AGBL1: variants seen among roughly 807,000 people sequenced by gnomAD.
AGBL1 encodes the protein cytosolic carboxypeptidase 4.
Under a neutral mutation model 118.9 loss-of-function variants are expected in AGBL1, and 130 were observed. The ratio of observed to expected loss-of-function variants is 1.09; its 90% confidence interval spans 0.95 to 1.26. The LOEUF (loss-of-function observed/expected upper bound fraction) is 1.26. AGBL1 is among the 50% of genes most tolerant of loss of function. AGBL1 has a pLI of 0.00. For missense variants in AGBL1, 1,584 were observed against 1,298.1 expected (o/e 1.22, Z -3.38); for synonymous variants, 555 against 478.9 (o/e 1.16, Z -2.08).
At chr15:86,951,755 C>T (rs752692905) in intron 23 of AGBL1, among the ~76,000 whole-genome samples, 2 of 152,050 alleles carry the variant, frequency 1.3e-5, no homozygotes, top group Non-Finnish European at 2.9e-5. Flanking sequence ...ATGATTTGGG[C>T]AATTTTTATT....
At chr15:86,224,128 C>A (rs555448374) in intron 5 of AGBL1, among the ~76,000 whole-genome samples, 1 of 152,146 alleles carries the variant, frequency 6.6e-6, no homozygotes, top group Non-Finnish European at 1.5e-5. Flanking sequence ...TAGGGCCACA[C>A]AGAATCTTCT....
intron 22 of AGBL1, among the ~76,000 whole-genome samples, chr15:86,804,004 T>C (rs1017581209): frequency 2.6e-5 from 4 of 151,954 alleles, no homozygotes; most frequent in Admixed American, 6.6e-5. Flanking sequence ...TTATAACAAG[T>C]CTGTTATCCA....
intron 22 of AGBL1, among the ~76,000 whole-genome samples, chr15:86,843,022 T>A (rs1287024515): frequency 6.6e-6 from 1 of 152,152 alleles, no homozygotes; most frequent in African/African-American, 2.4e-5. Flanking sequence ...AGGTCAGATA[T>A]CATACTTTGG....
chr15:86,215,395 T>G (rs1159544911), intron 5 of AGBL1, among the ~76,000 whole-genome samples: 1 of 152,162 alleles, frequency 6.6e-6, no homozygotes, highest in Non-Finnish European at 1.5e-5. Context: ...TTTGGCTAAC[T>G]CCTTTGGTTC....
intron 23 of AGBL1, among the ~76,000 whole-genome samples, chr15:86,979,495 T>C (rs2081207423): frequency 6.6e-6 from 1 of 151,186 alleles, no homozygotes; most frequent in African/African-American, 2.4e-5. Context: ...CTTTCTTTTT[T>C]TTGGCGGGGG....
chr15:86,300,131 C>CT (rs2079722709), intron 17 of AGBL1, among the ~76,000 whole-genome samples: 1 of 152,116 alleles, frequency 6.6e-6, no homozygotes, highest in Non-Finnish European at 1.5e-5. Context: ...CCAGATACCC[C>CT]TCTTTAGGCT....
chr15:86,801,805 A>G (rs2078653742), intron 22 of AGBL1, among the ~76,000 whole-genome samples: 1 of 152,130 alleles, frequency 6.6e-6, no homozygotes, highest in African/African-American at 2.4e-5. Context: ...AAAAGCAAGT[A>G]CTAGTAAATA....
chr15:86,920,346 T>C (rs1055165427), downstream of AGBL1, among the ~76,000 whole-genome samples: 3 of 152,210 alleles, frequency 2.0e-5, no homozygotes, highest in Non-Finnish European at 4.4e-5. Flanking sequence ...CCCTCCCTGA[T>C]GCTTTGAATC....
At chr15:86,931,616 G>T (rs966264706) in intron 23 of AGBL1, among the ~76,000 whole-genome samples, 2 of 148,690 alleles carry the variant, frequency 1.3e-5, no homozygotes, top group Non-Finnish European at 3.0e-5. Context: ...TGCTGCTGCT[G>T]GTTGTTGTAT....
chr15:87,025,166 A>G (rs992334074), intron 24 of AGBL1, among the ~76,000 whole-genome samples: 1 of 152,046 alleles, frequency 6.6e-6, no homozygotes, highest in Non-Finnish European at 1.5e-5. Flanking sequence ...AGGGCATCCA[A>G]ATTGGTAAAG....
intron 5 of AGBL1, among the ~76,000 whole-genome samples, chr15:86,222,784 A>G (rs1000784400): frequency 1.3e-5 from 2 of 152,182 alleles, no homozygotes; most frequent in African/African-American, 4.8e-5. Flanking sequence ...TTGGATTAAT[A>G]TTTATTTAGG....
chr15:86,538,651 C>A (rs1736152446), intron 19 of AGBL1, among the ~76,000 whole-genome samples: 1 of 152,192 alleles, frequency 6.6e-6, no homozygotes, highest in African/African-American at 2.4e-5. Context: ...TATATCTCCT[C>A]TAGGCTTCAG....
At chr15:86,558,368 A>AT (rs1796978404) in intron 21 of AGBL1, among the ~76,000 whole-genome samples, 2 of 152,146 alleles carry the variant, frequency 1.3e-5, no homozygotes, top group Non-Finnish European at 2.9e-5. Flanking sequence ...TGGGAAAACA[A>AT]AAGCCTTATC....
chr15:86,522,248 A>G (rs530463628), intron 18 of AGBL1, among the ~76,000 whole-genome samples: 20 of 152,352 alleles, frequency 1.3e-4, no homozygotes, highest in African/African-American at 4.8e-4. Context: ...AATGTCAAGC[A>G]GTGCAATAGA....
chr15:86,747,154 A>G (rs1327876392), intron 22 of AGBL1, among the ~76,000 whole-genome samples: 1 of 152,048 alleles, frequency 6.6e-6, no homozygotes. Context: ...GGCCCCAAAT[A>G]TAGGCCATGA....
intron 18 of AGBL1, among the ~76,000 whole-genome samples, chr15:86,466,157 C>G (rs1356509018): frequency 6.6e-6 from 1 of 152,188 alleles, no homozygotes; most frequent in Non-Finnish European, 1.5e-5. Context: ...TTGGTCTTTT[C>G]ACATAATCCC....
Position 86,765,938 on chromosome 15 carries a change from A to T in AGBL1, c.3158+91502A>T, listed in dbSNP as rs192087997. 5.3e-5 allele frequency among the ~76,000 whole-genome samples: 8 copies of T among 152,072 alleles called. 1 individual carries two copies. In the East Asian group the frequency reaches 1.6e-3, roughly 30 times the overall value. ...AGAGCTGAGCCTAGTTTAGTCAGCA[A>T]CTATTTTCCTTAAAGTACCTTTAGC... On this transcript the variant is annotated intron_variant, in intron 22 of 22. Transcript: ENST00000614907.
intron 2 of AGBL1, among the ~76,000 whole-genome samples, chr15:86,143,323 A>G (rs560734607): frequency 1.3e-5 from 2 of 152,372 alleles, no homozygotes; most frequent in African/African-American, 2.4e-5. Context: ...TCAAATGTAT[A>G]GCAGAGGGAT....
intron 21 of AGBL1, among the ~76,000 whole-genome samples, chr15:86,563,974 A>G (rs1253713302): frequency 6.6e-6 from 1 of 151,680 alleles, no homozygotes; most frequent in Non-Finnish European, 1.5e-5. Flanking sequence ...TTTGTTTTCC[A>G]TTTGCTTGGT....
Sources: gnomAD v4.1 joint callset for allele counts (sites outside exome capture counted in the v4.1 genomes callset) on GRCh38, gnomAD v4.1.1 for gene constraint, MANE v1.5 for transcripts, NCBI Gene and HGNC (gene_info 2026-07-23, HGNC 2026-07-21) for gene names.